The following IL1RAPL2 variants were observed in gnomAD, a reference collection of about 807,000 sequenced individuals.
The protein encoded by IL1RAPL2 is X-linked interleukin-1 receptor accessory protein-like 2.
Under a neutral mutation model 44.1 loss-of-function variants are expected in IL1RAPL2, and 3 were observed. The ratio of observed to expected loss-of-function variants is 0.07; its 90% CI spans 0.03 to 0.18. The LOEUF (loss-of-function observed/expected upper bound fraction) is 0.18. IL1RAPL2 is among the 10% of genes least tolerant of loss of function. The probability of loss-of-function intolerance (pLI) is 1.00; values close to 1 mark genes in which losing one functional copy is unlikely to be tolerated. For synonymous variants in IL1RAPL2, 181 were observed against 178.8 expected (o/e 1.01, Z -0.10); for missense variants, 391 against 496.4 (o/e 0.79, Z 2.02).
chrX:104,657,192 G>A (rs1930283817), intron 1 of IL1RAPL2, among the ~76,000 whole-genome samples: 1 of 111,008 alleles, frequency 9.0e-6, no homozygotes, highest in Admixed American at 9.7e-5. Flanking sequence ...GGTTAATATT[G>A]TTATTTGTGA....
intron 6 of IL1RAPL2, among the ~76,000 whole-genome samples, chrX:105,520,476 A>G (rs2036547165): frequency 8.9e-6 from 1 of 112,247 alleles, no homozygotes; most frequent in Non-Finnish European, 1.9e-5. Context: ...TGTCAGCTGC[A>G]TAAGAAAACT....
At chrX:105,596,412 G>T in intron 6 of IL1RAPL2, among the ~76,000 whole-genome samples, 1 of 107,754 alleles carries the variant, frequency 9.3e-6, no homozygotes, top group African/African-American at 3.4e-5. Context: ...TTTCTTTTTT[G>T]ACCATTGGTT....
At chrX:105,520,188 T>C (rs997360276) in intron 6 of IL1RAPL2, among the ~76,000 whole-genome samples, 1 of 111,741 alleles carries the variant, frequency 8.9e-6, no homozygotes, top group Non-Finnish European at 1.9e-5. Context: ...GCTGCAAGAA[T>C]TAAGTGTTGG....
Position 104,638,097 on chromosome X carries a change from T to C in IL1RAPL2, c.-19-20798T>C, listed in dbSNP as rs189007527. ...TCTTCCTGATTCAATCTTGGTAAGTTGCATGTGTCCAGGAACTTATCCATT... is the reference window on the plus strand; with the variant it reads ...TCTTCCTGATTCAATCTTGGTAAGTCGCATGTGTCCAGGAACTTATCCATT... On this transcript the variant is annotated intron_variant, in intron 1 of 10. Transcript: ENST00000372582. Among the ~76,000 whole-genome samples, 3 of 111,503 alleles carry C rather than the reference T, an allele frequency of 2.7e-5. No homozygotes were observed. In the Admixed American group the frequency reaches 2.9e-4, roughly 11 times the overall value.
chrX:104,747,434 C>T (rs760606309), intron 2 of IL1RAPL2, among the ~76,000 whole-genome samples: 37 of 111,312 alleles, frequency 3.3e-4, no homozygotes, highest in Non-Finnish European at 5.5e-4. Flanking sequence ...AATGGTGCCT[C>T]AGGAAGATAC....
At chrX:105,398,504 A>T (rs2035581731) in intron 5 of IL1RAPL2, among the ~76,000 whole-genome samples, 1 of 110,535 alleles carries the variant, frequency 9.0e-6, no homozygotes, top group African/African-American at 3.3e-5. Flanking sequence ...GTGTGTGTGT[A>T]TGTAATTAGG....
chrX:104,620,508 C>T (rs777809171), intron 1 of IL1RAPL2, among the ~76,000 whole-genome samples: 4 of 106,011 alleles, frequency 3.8e-5, no homozygotes, highest in African/African-American at 6.9e-5. Context: ...GGCATGGTGG[C>T]GGGTGCCTGT....
intron 1 of IL1RAPL2, among the ~76,000 whole-genome samples, chrX:104,650,966 A>G (rs1052673583): frequency 1.1e-4 from 12 of 111,848 alleles, no homozygotes; most frequent in African/African-American, 3.2e-4. Context: ...GAAAAGTAAA[A>G]TGGAGATTAT....
At chrX:104,892,300 C>T (rs897388544) in intron 2 of IL1RAPL2, among the ~76,000 whole-genome samples, 8 of 111,738 alleles carry the variant, frequency 7.2e-5, no homozygotes, top group African/African-American at 2.3e-4. Flanking sequence ...CAGGATGATA[C>T]TGGCCTCATA....
chrX:105,034,163 G>A lies in IL1RAPL2; in HGVS notation c.83-161312G>A, dbSNP rs191753846. On this transcript the variant is annotated intron_variant, in intron 2 of 10. Transcript: ENST00000372582. ...AAAGTTTTTAACTTCTTTGCCATTG[G>A]TTTGAATTTCCTCCTGTAGCTTGGA... is the stretch of plus-strand genomic sequence containing the variant. 4.9e-3 allele frequency among the ~76,000 whole-genome samples: 541 copies of A among 111,248 alleles called. 1 individual carries two copies. The highest frequency in any genetic ancestry group is 8.6e-3 in the Non-Finnish European group (456 of 53,050).
intron 5 of IL1RAPL2, among the ~76,000 whole-genome samples, chrX:105,398,952 G>A (rs1484603510): frequency 9.0e-6 from 1 of 111,483 alleles, no homozygotes; most frequent in East Asian, 2.8e-4. Context: ...GAAACATTTT[G>A]TCCTCTACAA....
chrX:105,015,841 T>G (rs757456140), intron 2 of IL1RAPL2, among the ~76,000 whole-genome samples: 5 of 111,934 alleles, frequency 4.5e-5, no homozygotes, highest in Non-Finnish European at 9.4e-5. Flanking sequence ...TTTTTCCAAT[T>G]CTGTGAAGAA....
At chrX:105,078,874 G>T (rs990526732) in intron 2 of IL1RAPL2, among the ~76,000 whole-genome samples, 5 of 112,485 alleles carry the variant, frequency 4.4e-5, no homozygotes, top group Non-Finnish European at 9.4e-5. Context: ...TGTTAAGCCC[G>T]TTGGGAGGGC....
chrX:105,497,713 A>C (rs1303129450), intron 6 of IL1RAPL2, among the ~76,000 whole-genome samples: 1 of 112,130 alleles, frequency 8.9e-6, no homozygotes, highest in Non-Finnish European at 1.9e-5. Flanking sequence ...CCACATTAAA[A>C]GGATCATACA....
At chrX:105,223,365 G>C (rs781988173) in intron 3 of IL1RAPL2, among the ~76,000 whole-genome samples, 2 of 111,292 alleles carry the variant, frequency 1.8e-5, no homozygotes, top group African/African-American at 3.3e-5. Flanking sequence ...TGCCTTCATG[G>C]ATCTCCTCCT....
At chrX:104,679,998 A>C (rs1930862043) in intron 2 of IL1RAPL2, among the ~76,000 whole-genome samples, 1 of 111,551 alleles carries the variant, frequency 9.0e-6, no homozygotes, top group African/African-American at 3.3e-5. Context: ...GCTATGGGGT[A>C]GAAAATTTCA....
intron 1 of IL1RAPL2, among the ~76,000 whole-genome samples, chrX:104,637,778 A>ATGTG (rs58410384): frequency 9.1e-5 from 9 of 99,083 alleles, no homozygotes; most frequent in African/African-American, 2.2e-4. Flanking sequence ...GTTTTTGTGT[A>ATGTG]TGTGTGTGTG....
intron 1 of IL1RAPL2, among the ~76,000 whole-genome samples, chrX:104,601,646 T>A (rs1390046845): frequency 1.8e-5 from 2 of 112,023 alleles, no homozygotes; most frequent in African/African-American, 6.5e-5. Flanking sequence ...ATGTAAGGGT[T>A]CCCTTTTCTC....
chrX:105,445,514 T>C (rs2035948695), intron 5 of IL1RAPL2, among the ~76,000 whole-genome samples: 1 of 111,429 alleles, frequency 9.0e-6, no homozygotes, highest in South Asian at 3.7e-4. Flanking sequence ...TTTTTCTTTT[T>C]TTGATGTAGG....
Sources: allele counts gnomAD v4.1 joint callset (sites outside exome capture counted in the v4.1 genomes callset), GRCh38; gene constraint gnomAD v4.1.1; transcripts MANE v1.5; gene names NCBI Gene and HGNC (gene_info 2026-07-23, HGNC 2026-07-21).